The following HPSE2 variants were observed in gnomAD, a reference collection of about 807,000 sequenced individuals.
HPSE2 encodes inactive heparanase-2.
In HPSE2, 38 loss-of-function variants were observed where a neutral mutation model predicts 60.5. The ratio of observed to expected loss-of-function variants is 0.63; its 90% CI spans 0.48 to 0.82. HPSE2 has a LOEUF of 0.82. Among genes scored for constraint, HPSE2 ranks in the 40% least tolerant of loss-of-function variants. The pLI is 0.00. For missense variants in HPSE2, 713 were observed against 740.4 expected, an observed-to-expected ratio of 0.96 and a Z score of 0.43; for synonymous variants, 295 against 293.2, an observed-to-expected ratio of 1.01 and a Z score of -0.06.
At chr10:98,939,484 A>G (rs1954921339) in intron 3 of HPSE2, among the ~76,000 whole-genome samples, 1 of 143,850 alleles carries the variant, frequency 7.0e-6, no homozygotes, top group Non-Finnish European at 1.5e-5. Flanking sequence ...AGAGACAAAG[A>G]AGGCCATTAC....
intron 9 of HPSE2, among the ~76,000 whole-genome samples, chr10:98,494,998 T>C (rs942171873): frequency 4.6e-5 from 7 of 152,154 alleles, no homozygotes; most frequent in South Asian, 2.1e-4. Flanking sequence ...TCATACAACA[T>C]TGAATTACTG....
At chr10:99,276,010 A>G in the HPSE2 span, among the ~76,000 whole-genome samples, 2 of 152,176 alleles carry the variant, frequency 1.3e-5, no homozygotes, top group Non-Finnish European at 2.9e-5. Flanking sequence ...AATAGAAATA[A>G]CTGAAAATTT....
intron 9 of HPSE2, among the ~76,000 whole-genome samples, chr10:98,534,868 C>A (rs2133808981): frequency 6.6e-6 from 1 of 152,322 alleles, no homozygotes; most frequent in African/African-American, 2.4e-5. Flanking sequence ...AAGGCAACAT[C>A]AATAAAAGAA....
At chr10:98,794,293 T>C (rs1436546340) in intron 3 of HPSE2, among the ~76,000 whole-genome samples, 1 of 150,708 alleles carries the variant, frequency 6.6e-6, no homozygotes, top group Non-Finnish European at 1.5e-5. Flanking sequence ...GAGGCTAGAA[T>C]GCAGTGGTGA....
intron 3 of HPSE2, among the ~76,000 whole-genome samples, chr10:98,883,088 C>T (rs1249054004): frequency 6.6e-6 from 1 of 152,038 alleles, no homozygotes; most frequent in African/African-American, 2.4e-5. Context: ...ATCTTCCTAG[C>T]TCTGAAGGGC....
intron 6 of HPSE2, among the ~76,000 whole-genome samples, chr10:98,655,903 C>T (rs1589582647): frequency 6.6e-6 from 1 of 152,286 alleles, no homozygotes; most frequent in African/African-American, 2.4e-5. Flanking sequence ...TCCTCTTTGA[C>T]ACAGTGAAAT....
intron 3 of HPSE2, among the ~76,000 whole-genome samples, chr10:99,035,886 G>A (rs1266161626): frequency 2.0e-5 from 3 of 152,162 alleles, no homozygotes; most frequent in Non-Finnish European, 4.4e-5. Flanking sequence ...GCAGCAATAA[G>A]CACATTTAAC....
At position 98,490,206 on chromosome 10, in the gene HPSE2, A is replaced by C; in HGVS notation, c.1321-10T>G. On this transcript the variant is annotated splice_polypyrimidine_tract_variant and intron_variant, in intron 9 of 11. Transcript: ENST00000370552. ...GAGAGAGCCAGTAGTCCTGAGGAGAATAGAGAGGGAGAGGGTCAGCGAGAG... is the reference window on the plus strand; with the variant it reads ...GAGAGAGCCAGTAGTCCTGAGGAGACTAGAGAGGGAGAGGGTCAGCGAGAG... 6.2e-7 allele frequency: 1 copy of C among 1,613,910 alleles called. No individual in the cohort carries two copies. The highest frequency in any genetic ancestry group is 8.5e-7 in the Non-Finnish European group (1 of 1,179,948).
intron 3 of HPSE2, among the ~76,000 whole-genome samples, chr10:98,856,337 G>A (rs1176644043): frequency 6.6e-6 from 1 of 152,070 alleles, no homozygotes; most frequent in Non-Finnish European, 1.5e-5. Flanking sequence ...GAGTTCCAGA[G>A]GCAAAAAGTA....
At chr10:99,097,724 T>C (rs2135624597) in intron 3 of HPSE2, among the ~76,000 whole-genome samples, 1 of 152,360 alleles carries the variant, frequency 6.6e-6, no homozygotes, top group Admixed American at 6.5e-5. Flanking sequence ...AAAGTACTTC[T>C]AATGTAACTT....
the HPSE2 span, among the ~76,000 whole-genome samples, chr10:99,273,569 T>C: frequency 6.6e-6 from 1 of 152,190 alleles, no homozygotes; most frequent in Admixed American, 6.5e-5. Context: ...ATCTAGGCAC[T>C]GAAATTTGGG....
the HPSE2 span, among the ~76,000 whole-genome samples, chr10:99,243,597 A>G: frequency 6.6e-6 from 1 of 152,192 alleles, no homozygotes; most frequent in Admixed American, 6.5e-5. Flanking sequence ...ATATTAATCA[A>G]TCTTAAAGAT....
At chr10:98,625,676 TA>T (rs1464623451) in intron 7 of HPSE2, among the ~76,000 whole-genome samples, 1 of 152,222 alleles carries the variant, frequency 6.6e-6, no homozygotes, top group Non-Finnish European at 1.5e-5. Context: ...TGCTATAGGC[TA>T]AATGATACTA....
intron 9 of HPSE2, among the ~76,000 whole-genome samples, chr10:98,612,356 T>C (rs186349798): frequency 3.4e-4 from 52 of 152,354 alleles, no homozygotes; most frequent in African/African-American, 1.2e-3. Flanking sequence ...CACTCAATAA[T>C]GTCACAGAAC....
At chr10:98,915,201 G>A (rs1353784997) in intron 3 of HPSE2, among the ~76,000 whole-genome samples, 29 of 147,866 alleles carry the variant, frequency 2.0e-4, no homozygotes, top group Admixed American at 6.8e-4. Flanking sequence ...AAACTGGAGT[G>A]CAGTGGTGTG....
chr10:98,588,908 C>T lies in HPSE2; in HGVS notation c.1320+25996G>A, dbSNP rs182168132. ...AGAAAGAGTTCAAAACTCGACAAAA[C>T]ATGAAAAATTACCAGAAAGAAAAAA... On this transcript the variant is annotated intron_variant, in intron 9 of 11. Coordinates refer to ENST00000370552, the MANE Select transcript of HPSE2 (RefSeq NM_021828.5). 2.6e-3 allele frequency among the ~76,000 whole-genome samples: 394 copies of T among 152,224 alleles called. 3 individuals are homozygous for T. Among genetic ancestry groups the T allele is most frequent in the Non-Finnish European group, 4.2e-3 (285 of 68,012 alleles).
intron 6 of HPSE2, among the ~76,000 whole-genome samples, chr10:98,665,131 C>A (rs1947328419): frequency 6.6e-6 from 1 of 152,048 alleles, no homozygotes; most frequent in African/African-American, 2.4e-5. Flanking sequence ...AAGAATTCAC[C>A]AGAAGAATTT....
At chr10:98,545,358 G>C (rs1210349758) in intron 9 of HPSE2, among the ~76,000 whole-genome samples, 3 of 152,088 alleles carry the variant, frequency 2.0e-5, no homozygotes, top group Non-Finnish European at 4.4e-5. Context: ...CCAAAAAAGA[G>C]AATTTTAGAC....
Position 98,506,445 on chromosome 10 carries a change from TTTTC to T in HPSE2, c.1321-16253_1321-16250del, listed in dbSNP as rs1220658792. On this transcript the variant is annotated intron_variant, in intron 9 of 11. Coordinates refer to ENST00000370552, the MANE Select transcript of HPSE2 (RefSeq NM_021828.5). Reference sequence around the variant, plus strand: ...TCACTGATTTTCCCTTTCTTTCTCCTTTTCTTTCTTTTTTTTTGAGACAAGGTCT... The same window carrying T: ...TCACTGATTTTCCCTTTCTTTCTCCTTTTCTTTTTTTTTGAGACAAGGTCT... Among the ~76,000 whole-genome samples, 3 of 152,088 alleles carry T rather than the reference TTTTC, an allele frequency of 2.0e-5. No individual in the cohort carries two copies. The East Asian group carries it at 5.8e-4, about 29-fold the overall frequency.
Sources: allele counts gnomAD v4.1 joint callset (sites outside exome capture counted in the v4.1 genomes callset), GRCh38; gene constraint gnomAD v4.1.1; transcripts MANE v1.5; gene names NCBI Gene and HGNC (gene_info 2026-07-23, HGNC 2026-07-21).